Variants in PTGR3 observed in about 807,000 individuals in gnomAD.
PTGR3 encodes zinc binding alcohol dehydrogenase domain containing 2.
At chr18:75,205,419 G>A in the PTGR3 span, 1 of 985,352 alleles carries the variant, frequency 1.0e-6, no homozygotes, top group Non-Finnish European at 1.2e-6. Context: ...GTGAGCGCAG[G>A]ATTCTAGTAA....
chr18:75,205,572 A>G, the PTGR3 span: 10 of 814,914 alleles, frequency 1.2e-5, no homozygotes, highest in African/African-American at 1.9e-4. Context: ...CCCCCTCGTC[A>G]TGTTTACTGA....
At chr18:75,201,207 A>G in the PTGR3 span, 1 of 558,230 alleles carries the variant, frequency 1.8e-6, no homozygotes, top group Non-Finnish European at 3.2e-6. Context: ...CCTCTTAGCC[A>G]TGGAGGGAAG....
chr18:75,202,054 C>T, the PTGR3 span: 5 of 1,614,018 alleles, frequency 3.1e-6, no homozygotes, highest in Non-Finnish European at 4.2e-6. Context: ...CCTCCGAGCT[C>T]TTTCAGGCTG....
At chr18:75,195,417 C>T in the PTGR3 span, 2 of 152,128 alleles carry the variant, frequency 1.3e-5, no homozygotes, top group Non-Finnish European at 1.5e-5. Context: ...TCCCAAAGGA[C>T]CCGGGCAGAT....
the PTGR3 span, among the ~76,000 whole-genome samples, chr18:75,204,544 G>C: frequency 1.3e-5 from 2 of 152,182 alleles, no homozygotes; most frequent in Non-Finnish European, 2.9e-5. Context: ...CGCGGGGCCC[G>C]CGTGCCCGTC....
At chr18:75,208,780 G>C in the PTGR3 span, 1 of 1,302,380 alleles carries the variant, frequency 7.7e-7, no homozygotes, top group South Asian at 2.0e-5. Flanking sequence ...TGGGGACTGC[G>C]GGAGCGGCGC....
the PTGR3 span, chr18:75,196,696 G>C: frequency 1.5e-5 from 2 of 134,188 alleles, no homozygotes; most frequent in African/African-American, 5.8e-5. Flanking sequence ...CATACATGAA[G>C]ACGTATTGGT....
the PTGR3 span, among the ~76,000 whole-genome samples, chr18:75,203,971 G>C: frequency 1.3e-5 from 2 of 152,224 alleles, no homozygotes; most frequent in South Asian, 4.1e-4. Flanking sequence ...GCCCGTGGGG[G>C]TGGAAGTGAC....
chr18:75,206,640 A>G, the PTGR3 span, among the ~76,000 whole-genome samples: 1 of 152,212 alleles, frequency 6.6e-6, no homozygotes, highest in Admixed American at 6.5e-5. Flanking sequence ...AGAGTAGGGA[A>G]AGCGGGAGGC....
At chr18:75,207,822 C>T in the PTGR3 span, among the ~76,000 whole-genome samples, 1 of 152,202 alleles carries the variant, frequency 6.6e-6, no homozygotes, top group Non-Finnish European at 1.5e-5. Context: ...CTTTACGGTA[C>T]TTTCTAGTAC....
the PTGR3 span, chr18:75,208,935 T>C: frequency 6.3e-7 from 1 of 1,587,284 alleles, no homozygotes; most frequent in Non-Finnish European, 8.6e-7. Flanking sequence ...AAGTTGGGGC[T>C]CAGCCGGGTC....
At chr18:75,205,718 G>GA in the PTGR3 span, among the ~76,000 whole-genome samples, 8 of 102,372 alleles carry the variant, frequency 7.8e-5, 1 homozygote, top group Admixed American at 7.5e-4. Flanking sequence ...CCTGCCTTAA[G>GA]AAAAAAAAGA....
chr18:75,201,652 C>G, the PTGR3 span: 2 of 1,614,076 alleles, frequency 1.2e-6, no homozygotes, highest in South Asian at 1.1e-5. Flanking sequence ...AAGCCCTGTA[C>G]GCTGGCAGAT....
the PTGR3 span, chr18:75,208,564 A>AGGGGGT: frequency 3.6e-6 from 2 of 553,122 alleles, no homozygotes; most frequent in Non-Finnish European, 4.7e-6. Context: ...CGGGAGGGGG[A>AGGGGGT]GGAGGGAGGG....
chr18:75,206,663 C>G, the PTGR3 span, among the ~76,000 whole-genome samples: 1 of 151,984 alleles, frequency 6.6e-6, no homozygotes, highest in Non-Finnish European at 1.5e-5. Flanking sequence ...AGATTCTGTC[C>G]CCTCCCAACT....
the PTGR3 span, chr18:75,198,656 C>G: frequency 6.6e-6 from 1 of 152,090 alleles, no homozygotes; most frequent in African/African-American, 2.4e-5. Flanking sequence ...AAGTCATAAC[C>G]AAATGGTAAC....
At chr18:75,206,891 C>T in the PTGR3 span, among the ~76,000 whole-genome samples, 2 of 152,246 alleles carry the variant, frequency 1.3e-5, no homozygotes, top group Non-Finnish European at 2.9e-5. Flanking sequence ...ATCCACCTGT[C>T]TCCCGCCCCA....
At chr18:75,202,805 A>G in the PTGR3 span, among the ~76,000 whole-genome samples, 5 of 152,258 alleles carry the variant, frequency 3.3e-5, no homozygotes, top group African/African-American at 1.2e-4. Flanking sequence ...GATAAAATAT[A>G]TTCAAAGAAG....
At chr18:75,202,192 C>G in the PTGR3 span, 1 of 1,614,178 alleles carries the variant, frequency 6.2e-7, no homozygotes, top group Admixed American at 1.7e-5. Context: ...TAAGCCACAG[C>G]TTGGCCAACT....
Sources: gnomAD v4.1 joint callset for allele counts (sites outside exome capture counted in the v4.1 genomes callset) on GRCh38, gnomAD v4.1.1 for gene constraint, MANE v1.5 for transcripts, NCBI Gene and HGNC (gene_info 2026-07-23, HGNC 2026-07-21) for gene names.